ZC3H13: variants seen among roughly 807,000 people sequenced by gnomAD.
ZC3H13 encodes the protein zinc finger CCCH-type containing 13, also known as zinc finger CCCH domain-containing protein 13.
Under a neutral mutation model 204.1 loss-of-function variants are expected in ZC3H13, and 64 were observed. The observed-to-expected ratio is 0.31, with a 90% CI of 0.26 to 0.39. The LOEUF is 0.39. ZC3H13 is among the 10% of genes least tolerant of loss of function. The pLI, the probability that ZC3H13 is intolerant of heterozygous loss-of-function variation, is 1.00. For synonymous variants in ZC3H13, 667 were observed against 693.7 expected (o/e 0.96, Z 0.60); for missense variants, 1,833 against 2,082.7 (o/e 0.88, Z 2.33).
chr13:46,050,440 A>G (rs545644711), intron 1 of ZC3H13, among the ~76,000 whole-genome samples: 1 of 152,312 alleles, frequency 6.6e-6, no homozygotes, highest in Admixed American at 6.5e-5. Flanking sequence ...AAGTGAAAGC[A>G]TAACACTTTA....
At chr13:45,965,535 A>AGATGTTTTTC in intron 15 of ZC3H13, 103 bp from the exon 16 acceptor site, 1 of 1,093,100 alleles carries the variant, frequency 9.1e-7, no homozygotes, top group Non-Finnish European at 1.2e-6. Context: ...CAATGTGAAA[A>AGATGTTTTTC]ACATCTTTTC....
intron 7 of ZC3H13, among the ~76,000 whole-genome samples, chr13:46,005,355 T>C (rs545622617): frequency 2.0e-5 from 3 of 152,340 alleles, no homozygotes; most frequent in South Asian, 2.1e-4. Context: ...CTCTCCTCCA[T>C]GTTAGATGTC....
At position 45,969,737 on chromosome 13, in the gene ZC3H13, T is replaced by C. The variant is rs756055858; in HGVS notation, c.2807A>G (p.Asp936Gly). 6.2e-6 allele frequency: 10 copies of C among 1,613,828 alleles called. No homozygotes were observed. The Admixed American group carries it at 1.7e-4, about 27-fold the overall frequency. Residue 936 changes from aspartate (D) to glycine (G), a missense_variant, in exon 14 of 19, where the codon GAC (aspartate) becomes GGC (glycine). Transcript: ENST00000679008. ...ILESSRMRAQ[D>G]IIGHHQSEDR... Reference sequence around the variant, plus strand: ...TTCAGACTGGTGGTGTCCTATAATGTCCTGTGCACGCATTCTTGAGCTTTC... The same window carrying C: ...TTCAGACTGGTGGTGTCCTATAATGCCCTGTGCACGCATTCTTGAGCTTTC...
In ZC3H13 at chr13:46,025,598, C is replaced by T. The variant is rs575236190; in HGVS notation, c.340-5041G>A. Among the ~76,000 whole-genome samples the T allele has an allele frequency of 1.2e-4, 18 of 152,302 alleles. 1 individual carries two copies. The East Asian group carries it at 1.7e-3, about 15-fold the overall frequency. ...GTACAGGGATTACAGGCGTGATCCA[C>T]GATACCAGGTCTAACCTCTCATTTT... On this transcript the variant is annotated intron_variant, in intron 4 of 18. Coordinates refer to ENST00000679008, the MANE Select transcript of ZC3H13 (RefSeq NM_001330564.2).
At chr13:45,989,130 A>T (rs1156283427) in intron 8 of ZC3H13, 33 bp from the exon 9 acceptor site, 1 of 1,573,428 alleles carries the variant, frequency 6.4e-7, no homozygotes, top group African/African-American at 1.4e-5. Flanking sequence ...TAAAACATGT[A>T]TTCAAGAGCT....
chr13:46,019,325 T>C (rs1225699745), intron 5 of ZC3H13, among the ~76,000 whole-genome samples: 1 of 152,118 alleles, frequency 6.6e-6, no homozygotes, highest in African/African-American at 2.4e-5. Flanking sequence ...TGTAACCAAA[T>C]GGATGGACAT....
intron 3 of ZC3H13, among the ~76,000 whole-genome samples, chr13:46,044,156 A>C (rs1355140483): frequency 6.6e-6 from 1 of 151,654 alleles, no homozygotes; most frequent in Non-Finnish European, 1.5e-5. Context: ...CACTACCCCC[A>C]AAAAAATCAT....
At chr13:46,024,008 G>C (rs78211423) in intron 4 of ZC3H13, among the ~76,000 whole-genome samples, 2,463 of 152,298 alleles carry the variant, frequency 0.016, 77 homozygotes, top group African/African-American at 0.057. Flanking sequence ...GCTTAGGCCT[G>C]CTTCCTGAAT....
chr13:45,982,288 A>G (rs779351931), intron 10 of ZC3H13, among the ~76,000 whole-genome samples: 3 of 152,114 alleles, frequency 2.0e-5, no homozygotes, highest in Non-Finnish European at 2.9e-5. Flanking sequence ...ACATTTTTAC[A>G]GACTACAAAA....
chr13:46,043,174 A>C (rs529970777), intron 3 of ZC3H13, among the ~76,000 whole-genome samples: 1 of 152,114 alleles, frequency 6.6e-6, no homozygotes, highest in South Asian at 2.1e-4. Flanking sequence ...AAAGTACTAT[A>C]TATAAAAAAG....
chr13:46,035,713 T>C (rs2043169387), intron 4 of ZC3H13, among the ~76,000 whole-genome samples: 1 of 152,222 alleles, frequency 6.6e-6, no homozygotes, highest in South Asian at 2.1e-4. Context: ...TTAAACTATG[T>C]TTTATTATTT....
intron 4 of ZC3H13, among the ~76,000 whole-genome samples, chr13:46,030,608 T>C (rs2042833028): frequency 6.6e-6 from 1 of 151,926 alleles, no homozygotes; most frequent in African/African-American, 2.4e-5. Flanking sequence ...ATAGATTAGT[T>C]CAGGTTGCAG....
chr13:45,958,590 G>A (rs1482475096), intron 18 of ZC3H13, among the ~76,000 whole-genome samples: 1 of 151,172 alleles, frequency 6.6e-6, no homozygotes, highest in Non-Finnish European at 1.5e-5. Context: ...TTCGGATTAG[G>A]AATACTCAGT....
intron 17 of ZC3H13, chr13:45,962,052 A>T: frequency 2.0e-6 from 1 of 492,238 alleles, no homozygotes; most frequent in Non-Finnish European, 2.6e-6. Context: ...ACACTTGAAT[A>T]GACAAAATGG....
chr13:45,980,094 AAT>A, intron 10 of ZC3H13, 90 bp from the exon 11 acceptor site: 2 of 1,076,820 alleles, frequency 1.9e-6, no homozygotes, highest in Non-Finnish European at 2.6e-6. Context: ...AAACATCACT[AAT>A]ATATATATTT....
intron 11 of ZC3H13, among the ~76,000 whole-genome samples, chr13:45,978,690 G>C (rs1488819185): frequency 6.6e-6 from 1 of 151,656 alleles, no homozygotes; most frequent in Non-Finnish European, 1.5e-5. Flanking sequence ...TTGAATTCAG[G>C]CATGAGATGA....
intron 4 of ZC3H13, among the ~76,000 whole-genome samples, chr13:46,039,065 G>A (rs1332508538): frequency 6.6e-6 from 1 of 152,030 alleles, no homozygotes; most frequent in Non-Finnish European, 1.5e-5. Context: ...GGTGTCCCAG[G>A]TTATTAACAG....
chr13:46,007,801 C>G (rs2041258823), intron 7 of ZC3H13, among the ~76,000 whole-genome samples: 2 of 152,094 alleles, frequency 1.3e-5, no homozygotes, highest in Admixed American at 1.3e-4. Context: ...TTACTTTTAT[C>G]AGTTTTTAAT....
At chr13:45,981,666 T>C (rs530954984) in intron 10 of ZC3H13, among the ~76,000 whole-genome samples, 8 of 152,226 alleles carry the variant, frequency 5.3e-5, no homozygotes, top group Non-Finnish European at 8.8e-5. Context: ...GACTTTTTAA[T>C]GATTGCCATT....
Sources: gnomAD v4.1 joint callset for allele counts (sites outside exome capture counted in the v4.1 genomes callset) on GRCh38, gnomAD v4.1.1 for gene constraint, MANE v1.5 for transcripts, NCBI Gene and HGNC (gene_info 2026-07-23, HGNC 2026-07-21) for gene names.